Variants in IBTK observed in about 807,000 individuals in gnomAD.
IBTK encodes inhibitor of Bruton tyrosine kinase.
IBTK carries 83 observed loss-of-function variants against 154.9 expected under a neutral mutation model. That is an observed-to-expected ratio of 0.54 (90% confidence interval 0.45 to 0.64). The LOEUF is 0.64. IBTK is among the 30% of genes least tolerant of loss of function. IBTK has a pLI of 0.00. For synonymous variants in IBTK, 515 were observed against 536.1 expected (o/e 0.96, Z 0.54); for missense variants, 1,332 against 1,584.6 (o/e 0.84, Z 2.71).
chr6:82,200,753 G>GTTTTTTTTTTTTTTTTT, intron 19 of IBTK, 45 bp from the exon 20 acceptor site: 2 of 392,562 alleles, frequency 5.1e-6, no homozygotes, highest in South Asian at 3.3e-5. Context: ...AATCTGTGAA[G>GTTTTTTTTTTTTTTTTT]TTTTTTTTTT....
chr6:82,192,815 G>A (rs1414695727), intron 23 of IBTK, among the ~76,000 whole-genome samples: 1 of 148,976 alleles, frequency 6.7e-6, no homozygotes, highest in African/African-American at 2.5e-5. Flanking sequence ...ATAAAAATAA[G>A]TCAGTCAGGC....
At chr6:82,208,843 C>T (rs1214505280) in intron 16 of IBTK, among the ~76,000 whole-genome samples, 1 of 151,776 alleles carries the variant, frequency 6.6e-6, no homozygotes, top group African/African-American at 2.4e-5. Context: ...ATCATATATC[C>T]CATAAGGGAC....
At chr6:82,177,177 G>A (rs1439107440) in intron 26 of IBTK, among the ~76,000 whole-genome samples, 1 of 150,600 alleles carries the variant, frequency 6.6e-6, no homozygotes, top group Non-Finnish European at 1.5e-5. Context: ...CTTCCATATT[G>A]TATCGTAATT....
intron 24 of IBTK, chr6:82,191,559 T>C: frequency 1.7e-6 from 1 of 599,662 alleles, no homozygotes; most frequent in African/African-American, 1.9e-5. Flanking sequence ...TAGAGTCAAG[T>C]TTCTGGGATG....
chr6:82,173,677 A>AAATG, intron 26 of IBTK: 1 of 232,934 alleles, frequency 4.3e-6, no homozygotes, highest in South Asian at 1.1e-4. Context: ...AATAATAAAT[A>AAATG]TATATATACA....
chr6:82,201,367 T>C (rs1413822245), intron 19 of IBTK, 55 bp downstream of exon 19: 7 of 1,261,288 alleles, frequency 5.5e-6, no homozygotes, highest in Admixed American at 2.0e-5. Flanking sequence ...TGATCTAATA[T>C]ACTGCTTAAG....
At chr6:82,180,592 T>A (rs1446957944) in intron 26 of IBTK, among the ~76,000 whole-genome samples, 2 of 152,170 alleles carry the variant, frequency 1.3e-5, no homozygotes, top group African/African-American at 2.4e-5. Context: ...ATGCTAGAAG[T>A]ATTAGACAAG....
intron 23 of IBTK, among the ~76,000 whole-genome samples, chr6:82,194,210 T>C (rs897531856): frequency 1.3e-5 from 2 of 152,126 alleles, no homozygotes; most frequent in Non-Finnish European, 1.5e-5. Flanking sequence ...AAATAACTAC[T>C]GATACTAAGT....
At chr6:82,215,867 T>A (rs1405200215) in intron 11 of IBTK, among the ~76,000 whole-genome samples, 1 of 151,858 alleles carries the variant, frequency 6.6e-6, no homozygotes, top group Non-Finnish European at 1.5e-5. Context: ...TGTCAGTTTA[T>A]AAACCAAAGG....
Position 82,171,527 on chromosome 6 carries a change from C to G in IBTK, c.3960G>C (p.Leu1320Phe). The G allele has an allele frequency of 1.2e-6, 2 of 1,609,336 alleles. No individual in the cohort carries two copies. The highest frequency in any genetic ancestry group is 1.7e-6 in the Non-Finnish European group (2 of 1,177,140). The change falls in exon 29 of 29, where the codon TTG (leucine) becomes TTC (phenylalanine). Residue 1320 changes from leucine (L) to phenylalanine (F), a missense_variant. Transcript: ENST00000306270. ...QIEEHAIQDL[L>F]VFYEAFGNPE... Reference sequence around the variant, plus strand: ...GGTTGCCAAATGCCTCATAGAAAACCAATAAATCTTGTATGGCATGCTCCT... The same window carrying G: ...GGTTGCCAAATGCCTCATAGAAAACGAATAAATCTTGTATGGCATGCTCCT...
chr6:82,184,419 C>T (rs1009390517), intron 25 of IBTK, among the ~76,000 whole-genome samples: 1 of 152,140 alleles, frequency 6.6e-6, no homozygotes, highest in African/African-American at 2.4e-5. Context: ...AATTTACATT[C>T]AAACATCAAG....
chr6:82,227,349 T>C (rs1770334736), intron 4 of IBTK, 47 bp from the exon 5 acceptor site: 1 of 1,092,198 alleles, frequency 9.2e-7, no homozygotes, highest in Non-Finnish European at 1.3e-6. Context: ...GAATAAAATA[T>C]CCTTTATTTT....
intron 1 of IBTK, among the ~76,000 whole-genome samples, chr6:82,243,375 C>T (rs1771027410): frequency 6.6e-6 from 1 of 152,120 alleles, no homozygotes; most frequent in Non-Finnish European, 1.5e-5. Flanking sequence ...TTCTATTACC[C>T]ACAATCAACC....
chr6:82,224,429 GT>G (rs1395707646), intron 6 of IBTK, among the ~76,000 whole-genome samples: 2 of 152,168 alleles, frequency 1.3e-5, no homozygotes, highest in African/African-American at 2.4e-5. Context: ...AATTGACATG[GT>G]GTAAGAATCA....
chr6:82,235,922 G>A (rs1181645334), intron 2 of IBTK, among the ~76,000 whole-genome samples: 1 of 152,068 alleles, frequency 6.6e-6, no homozygotes, highest in Non-Finnish European at 1.5e-5. Flanking sequence ...CACCCAGGCT[G>A]GAGTGCAATG....
At chr6:82,173,346 T>C (rs775939046) in intron 27 of IBTK, 21 bp downstream of exon 27, 3 of 1,583,950 alleles carry the variant, frequency 1.9e-6, no homozygotes, top group South Asian at 2.2e-5. Context: ...TGGAGGCCCA[T>C]AACTTATCAA....
intron 2 of IBTK, among the ~76,000 whole-genome samples, chr6:82,238,804 T>A (rs1005773372): frequency 6.6e-6 from 1 of 151,950 alleles, no homozygotes; most frequent in Non-Finnish European, 1.5e-5. Context: ...AGTGACACGA[T>A]CTTGGCAAAC....
intron 24 of IBTK, 165 bp downstream of exon 24, chr6:82,191,622 C>A: frequency 1.4e-6 from 1 of 692,718 alleles, no homozygotes; most frequent in Non-Finnish European, 2.6e-6. Context: ...ATCTTTAGCA[C>A]ATATTTAAGA....
intron 12 of IBTK, among the ~76,000 whole-genome samples, chr6:82,213,637 AAG>A (rs1267200736): frequency 2.6e-5 from 4 of 152,194 alleles, no homozygotes; most frequent in Non-Finnish European, 5.9e-5. Flanking sequence ...TAGTAAAGCT[AAG>A]AGATATGTAT....
Sources: gnomAD v4.1 joint callset for allele counts (sites outside exome capture counted in the v4.1 genomes callset) on GRCh38, gnomAD v4.1.1 for gene constraint, MANE v1.5 for transcripts, NCBI Gene and HGNC (gene_info 2026-07-23, HGNC 2026-07-21) for gene names.